Variants in TEX11 observed in about 807,000 individuals in gnomAD.
The protein encoded by TEX11 is testis-expressed protein 11.
A neutral mutation model predicts 84.4 loss-of-function variants in TEX11; 7 were observed. The ratio of observed to expected loss-of-function variants is 0.08; its 90% CI spans 0.05 to 0.16. The LOEUF (loss-of-function observed/expected upper bound fraction) is 0.16. TEX11 is among the 10% of genes least tolerant of loss of function. TEX11 has a pLI of 1.00. For synonymous variants in TEX11, 264 were observed against 222.8 expected (o/e 1.18, Z -1.64); for missense variants, 551 against 660.5 (o/e 0.83, Z 1.82).
intron 7 of TEX11, among the ~76,000 whole-genome samples, chrX:70,839,703 G>A (rs1200610983): frequency 1.8e-5 from 2 of 111,083 alleles, no homozygotes; most frequent in East Asian, 2.8e-4. Context: ...AGCTACAGGA[G>A]GAAATTCGAA....
intron 9 of TEX11, among the ~76,000 whole-genome samples, chrX:70,785,224 G>A (rs1002134556): frequency 2.7e-5 from 3 of 112,033 alleles, no homozygotes; most frequent in African/African-American, 9.7e-5. Context: ...CAAGAAATGG[G>A]AAAGGATTCC....
chrX:70,719,023 A>G (rs2090532585), intron 13 of TEX11, among the ~76,000 whole-genome samples: 1 of 111,431 alleles, frequency 9.0e-6, no homozygotes, highest in Non-Finnish European at 1.9e-5. Context: ...ATTTGCTTCC[A>G]GGGCAACCCA....
intron 11 of TEX11, among the ~76,000 whole-genome samples, chrX:70,730,437 A>C (rs1486941162): frequency 1.6e-4 from 18 of 111,952 alleles, no homozygotes; most frequent in Non-Finnish European, 3.4e-4. Context: ...ACATAGGCTC[A>C]AAATAAAGGG....
chrX:70,589,626 G>C (rs1186791432), intron 25 of TEX11, among the ~76,000 whole-genome samples: 2 of 111,374 alleles, frequency 1.8e-5, no homozygotes, highest in Non-Finnish European at 3.8e-5. Context: ...GGGTTCAAGC[G>C]ATTCTCGTGT....
intron 8 of TEX11, among the ~76,000 whole-genome samples, chrX:70,812,112 C>T (rs1410349320): frequency 9.0e-6 from 1 of 111,415 alleles, no homozygotes; most frequent in East Asian, 2.8e-4. Flanking sequence ...ATGCCTATGT[C>T]CTGAATGGTA....
At chrX:70,601,714 T>C (rs1269071111) in intron 24 of TEX11, among the ~76,000 whole-genome samples, 1 of 98,705 alleles carries the variant, frequency 1.0e-5, no homozygotes, top group African/African-American at 3.7e-5. Flanking sequence ...CCTGGGTACT[T>C]AAGATTAGGG....
chrX:70,574,151 T>C (rs1335655032), intron 25 of TEX11, among the ~76,000 whole-genome samples: 4 of 112,126 alleles, frequency 3.6e-5, no homozygotes, highest in Non-Finnish European at 7.5e-5. Context: ...CCAAGATTAC[T>C]TCTAGCCCTA....
chrX:70,629,756 T>A (rs1251038521), intron 17 of TEX11, 21 bp from the exon 18 acceptor site: 3 of 1,072,495 alleles, frequency 2.8e-6, no homozygotes, highest in Admixed American at 5.3e-5. Flanking sequence ...AGAAAAAAAT[T>A]CAAAAATGAT....
chrX:70,803,048 T>C (rs7051336), intron 9 of TEX11, among the ~76,000 whole-genome samples: 14,037 of 111,139 alleles, frequency 0.13, 775 homozygotes, highest in Middle Eastern at 0.26. Flanking sequence ...CTCATCTACT[T>C]AGCCCTGCCT....
At chrX:70,890,861 C>G (rs1270396987) in intron 2 of TEX11, among the ~76,000 whole-genome samples, 1 of 112,331 alleles carries the variant, frequency 8.9e-6, no homozygotes, top group Non-Finnish European at 1.9e-5. Flanking sequence ...GTGGTTCTCC[C>G]AGCACAGTGT....
At chrX:70,633,368 C>T (rs756238185) in intron 17 of TEX11, among the ~76,000 whole-genome samples, 1 of 111,287 alleles carries the variant, frequency 9.0e-6, no homozygotes, top group Non-Finnish European at 1.9e-5. Flanking sequence ...TTACCCCTCC[C>T]ACCACCAAAT....
At position 70,629,606 on chromosome X, in the gene TEX11, A is replaced by C. The variant is rs756255937; in HGVS notation, c.1608+5T>G. The C allele has an allele frequency of 2.1e-5, 25 of 1,206,161 alleles. No individual in the cohort carries two copies. Among genetic ancestry groups the C allele is most frequent in the Non-Finnish European group, 2.7e-5 (24 of 893,505 alleles). On this transcript the variant is annotated splice_donor_5th_base_variant and intron_variant, in intron 18 of 29. Transcript: ENST00000374333. Reference sequence around the variant, plus strand: ...AAATCTAGTAGATGAATACATATGAATTACCTCTAGAGCAAACTGGGCAGC... The same window carrying C: ...AAATCTAGTAGATGAATACATATGACTTACCTCTAGAGCAAACTGGGCAGC...
At chrX:70,644,882 C>T (rs1210945190) in intron 17 of TEX11, among the ~76,000 whole-genome samples, 1 of 103,809 alleles carries the variant, frequency 9.6e-6, no homozygotes, top group Non-Finnish European at 2.0e-5. Flanking sequence ...TGTAACTAAC[C>T]TGCACAATGT....
rs57717581 is a variant in TEX11, at chrX:70,792,125, CA to C, written c.692+14579del. ...GGGCAACAAGAGCAAAACTCCGTCT[CA>C]AAAAAAAAAAAAAAATTAGCCAGGC... is the stretch of plus-strand genomic sequence containing the variant. On this transcript the variant is annotated intron_variant, in intron 9 of 29. Transcript: ENST00000374333. 3.3e-3 allele frequency among the ~76,000 whole-genome samples: 206 copies of C among 61,713 alleles called. 1 individual carries two copies. Among genetic ancestry groups the C allele is most frequent in the African/African-American group, 0.011 (173 of 16,084 alleles). The allele number at this position is 61,713 out of a possible 115,157, so 53.6% of individuals were successfully genotyped here. A position where few individuals can be genotyped will look rare whatever the true frequency, so the allele number is the denominator to read the frequency against.
At chrX:70,740,073 A>C (rs1245586367) in intron 11 of TEX11, among the ~76,000 whole-genome samples, 2 of 111,842 alleles carry the variant, frequency 1.8e-5, no homozygotes, top group Non-Finnish European at 3.8e-5. Flanking sequence ...CATCCTAAAA[A>C]CTCACAGTAG....
At chrX:70,890,524 C>G (rs185418211) in intron 2 of TEX11, among the ~76,000 whole-genome samples, 16 of 112,821 alleles carry the variant, frequency 1.4e-4, no homozygotes, top group African/African-American at 5.1e-4. Context: ...TTCCAACGGT[C>G]TTAGCAAACA....
At chrX:70,660,557 G>A (rs888378104) in intron 16 of TEX11, among the ~76,000 whole-genome samples, 17 of 111,446 alleles carry the variant, frequency 1.5e-4, no homozygotes, top group Non-Finnish European at 2.8e-4. Flanking sequence ...ACAGGCTCGG[G>A]ATCATCAGTA....
chrX:70,857,279 T>G (rs2091541922), intron 5 of TEX11: 1 of 128,942 alleles, frequency 7.8e-6, no homozygotes, highest in African/African-American at 3.2e-5. Flanking sequence ...ACACACTGTA[T>G]AGTGCCTCAA....
At chrX:70,784,606 T>G (rs1432989020) in intron 9 of TEX11, among the ~76,000 whole-genome samples, 2 of 111,860 alleles carry the variant, frequency 1.8e-5, no homozygotes, top group African/African-American at 6.5e-5. Flanking sequence ...AAAATCTCTT[T>G]AAGCTGATAA....
Sources: allele counts gnomAD v4.1 joint callset (sites outside exome capture counted in the v4.1 genomes callset), GRCh38; gene constraint gnomAD v4.1.1; transcripts MANE v1.5; gene names NCBI Gene and HGNC (gene_info 2026-07-23, HGNC 2026-07-21).